Variants in MINAR1 observed in about 807,000 individuals in gnomAD.
MINAR1 encodes the protein major intrinsically disordered Notch2-binding receptor 1.
A neutral mutation model predicts 65.1 loss-of-function variants in MINAR1; 40 were observed. The ratio of observed to expected loss-of-function variants is 0.61; its 90% CI spans 0.48 to 0.80. MINAR1 has a LOEUF of 0.80. Among genes scored for constraint, MINAR1 ranks in the 30% least tolerant of loss-of-function variants. MINAR1 has a pLI of 0.00. For missense variants in MINAR1, 1,128 were observed against 1,148.0 expected (o/e 0.98, Z 0.25); for synonymous variants, 482 against 449.1 (o/e 1.07, Z -0.93).
chr15:79,443,544 G>A (rs1894928862), intron 1 of MINAR1, among the ~76,000 whole-genome samples: 1 of 151,994 alleles, frequency 6.6e-6, no homozygotes, highest in Non-Finnish European at 1.5e-5. Flanking sequence ...TCCTTTTTAT[G>A]TATACATCCC....
rs535025491 is a variant in MINAR1 at position 79,452,478 on chromosome 15, G to C, written c.-50-3620G>C. 6.6e-5 allele frequency among the ~76,000 whole-genome samples: 10 copies of C among 151,162 alleles called. No individual in the cohort carries two copies. In the East Asian group the frequency reaches 1.8e-3, roughly 27 times the overall value. On this transcript the variant is annotated intron_variant, in intron 1 of 3. Transcript: ENST00000305428. ...GGTGTGAGTCTGGGTGTGAAGCTGT[G>C]TGTGGATTTGAGTCTGAGTGTGAAG...
chr15:79,437,642 AGGGTGTGG>A (rs1339208223), intron 1 of MINAR1, among the ~76,000 whole-genome samples: 1 of 81,610 alleles, frequency 1.2e-5, no homozygotes, highest in Non-Finnish European at 2.4e-5. Context: ...GTGGGTAGTG[AGGGTGTGG>A]GTGTGTGTAG....
chr15:79,411,536 A>C, the MINAR1 span: 1 of 700,688 alleles, frequency 1.4e-6, no homozygotes, highest in Non-Finnish European at 2.6e-6. Context: ...CTGAGAGTGG[A>C]TGGAGGGAAG....
upstream of MINAR1, among the ~76,000 whole-genome samples, chr15:79,430,243 G>T (rs568491875): frequency 1.7e-4 from 26 of 152,270 alleles, no homozygotes; most frequent in East Asian, 5.0e-3. Context: ...TGAACTAAGG[G>T]AGGGAAAAGC....
At chr15:79,458,481 G>A (rs547807636) in intron 2 of MINAR1, 36 bp downstream of exon 2, 1 of 1,590,248 alleles carries the variant, frequency 6.3e-7, no homozygotes, top group Middle Eastern at 1.7e-4. Flanking sequence ...TCGGGCACCA[G>A]CTTCATCATA....
chr15:79,420,935 T>C, the MINAR1 span: 1 of 152,380 alleles, frequency 6.6e-6, no homozygotes, highest in Non-Finnish European at 1.5e-5. Context: ...TGTATGATTG[T>C]AATCACATGG....
upstream of MINAR1, among the ~76,000 whole-genome samples, chr15:79,427,817 G>T (rs770268893): frequency 6.6e-6 from 1 of 152,136 alleles, no homozygotes; most frequent in Non-Finnish European, 1.5e-5. Flanking sequence ...CTGGGTTCAG[G>T]GTGAAGTCAC....
At chr15:79,439,590 G>A (rs1282126786) in intron 1 of MINAR1, among the ~76,000 whole-genome samples, 2 of 151,802 alleles carry the variant, frequency 1.3e-5, no homozygotes, top group Non-Finnish European at 2.9e-5. Context: ...TGGGTGGTTG[G>A]CTGTGGGCTC....
At chr15:79,436,430 A>G (rs1408429862) in intron 1 of MINAR1, among the ~76,000 whole-genome samples, 2 of 152,240 alleles carry the variant, frequency 1.3e-5, no homozygotes, top group Admixed American at 6.5e-5. Flanking sequence ...GAGAAGGAAC[A>G]TGAAAACCGA....
At chr15:79,420,016 A>G in the MINAR1 span, 1 of 152,228 alleles carries the variant, frequency 6.6e-6, no homozygotes, top group Non-Finnish European at 1.5e-5. Flanking sequence ...ACCAACAAAC[A>G]ACACCTGAAC....
At position 79,468,311 on chromosome 15, in the gene MINAR1, C is replaced by T; in HGVS notation, c.2678C>T (p.Ala893Val). ...AGACGAGCCAAGGTCTGCAAGATAG[C>T]TGCTCTGATCGCTGCTGCGGCATGC... ...EFRRAKVCKI[A>V]ALIAAAACTV... Residue 893 changes from alanine to valine, a missense_variant, in exon 4 of 4, where the codon GCT (alanine) becomes GTT (valine). Ala to Val is a moderately conservative substitution (Grantham distance 64). Coordinates refer to ENST00000305428, the MANE Select transcript of MINAR1 (RefSeq NM_015206.3). 2 of 1,614,094 alleles carry T rather than the reference C, an allele frequency of 1.2e-6. No homozygotes were observed. Among genetic ancestry groups the T allele is most frequent in the Non-Finnish European group, 1.7e-6 (2 of 1,179,980 alleles).
intron 1 of MINAR1, among the ~76,000 whole-genome samples, chr15:79,442,445 C>G (rs575486931): frequency 2.6e-5 from 4 of 152,072 alleles, no homozygotes; most frequent in African/African-American, 9.6e-5. Context: ...ATTTATCTGT[C>G]AAATTATAAT....
At chr15:79,420,136 A>G in the MINAR1 span, 4 of 152,312 alleles carry the variant, frequency 2.6e-5, no homozygotes, top group Non-Finnish European at 5.9e-5. Context: ...TCTCAGTAAC[A>G]CTAGGTGGAA....
chr15:79,419,371 C>T, the MINAR1 span: 1 of 152,264 alleles, frequency 6.6e-6, no homozygotes, highest in African/African-American at 2.4e-5. Context: ...GGACCACCAC[C>T]AGTGTCAGAT....
Position 79,471,711 on chromosome 15 carries a change from G to GTTTTT in MINAR1, c.*3329_*3330insTTTTT, listed in dbSNP as rs747427617. The GTTTTT allele has an allele frequency of 6.9e-6, 1 of 145,600 alleles. No individual in the cohort carries two copies. 9.0% of individuals were successfully genotyped at this position (145,600 alleles called of 1,614,324 possible). ...GAGCAGTGGCATCACATTTGTTGTT[G>GTTTTT]TTGTTTTTTTTTTTGAAATAGAAAA... On this transcript the variant is annotated 3_prime_UTR_variant, in exon 4 of 4. Transcript: ENST00000305428.
chr15:79,464,576 C>T (rs2141304972), intron 3 of MINAR1, among the ~76,000 whole-genome samples: 1 of 152,320 alleles, frequency 6.6e-6, no homozygotes, highest in Admixed American at 6.5e-5. Flanking sequence ...ATTTTCTTGC[C>T]ATTTCATTTT....
chr15:79,461,490 C>T (rs776595995), intron 2 of MINAR1, among the ~76,000 whole-genome samples: 4 of 152,178 alleles, frequency 2.6e-5, no homozygotes, highest in Admixed American at 6.5e-5. Context: ...ACTCTGCATG[C>T]AATAGGAGCT....
In MINAR1 at chr15:79,457,851, C is replaced by T. The variant is rs746535536; in HGVS notation, c.1704C>T (p.Ala568=). 1 of 1,614,076 alleles carries T rather than the reference C, an allele frequency of 6.2e-7. No individual in the cohort carries two copies. The highest frequency in any genetic ancestry group is 1.3e-5 in the African/African-American group (1 of 75,010). ...SSPEHNLTKI[A]NGVPNSKGDK... ...CTGAGCACAACTTAACCAAAATTGC[C>T]AATGGGGTCCCCAACAGCAAGGGAG... The change falls in exon 2 of 4, where the codon GCC becomes GCT. Residue 568 remains alanine, a synonymous_variant. Transcript: ENST00000305428.
chr15:79,457,318 G>A lies in MINAR1; in HGVS notation c.1171G>A (p.Glu391Lys), dbSNP rs374349090. The A allele has an allele frequency of 3.2e-5, 52 of 1,614,030 alleles. No individual in the cohort carries two copies. The highest frequency in any genetic ancestry group is 5.9e-6 in the Non-Finnish European group (7 of 1,180,028). Residue 391 changes from glutamate to lysine, a missense_variant, in exon 2 of 4, where the codon GAG (glutamate) becomes AAG (lysine). Coordinates refer to ENST00000305428, the MANE Select transcript of MINAR1 (RefSeq NM_015206.3). Reference sequence around the variant, plus strand: ...CTTTTTCAATAGAAATCCCTCCGAGGAGAAGCTACACTATCCAAATGCCAG... The same window carrying A: ...CTTTTTCAATAGAAATCCCTCCGAGAAGAAGCTACACTATCCAAATGCCAG... ...RSFFNRNPSE[E>K]KLHYPNASSQ...
Sources: allele counts gnomAD v4.1 joint callset (sites outside exome capture counted in the v4.1 genomes callset), GRCh38; gene constraint gnomAD v4.1.1; transcripts MANE v1.5; gene names NCBI Gene and HGNC (gene_info 2026-07-23, HGNC 2026-07-21).